The following VAV3 variants were observed in gnomAD, a reference collection of about 807,000 sequenced individuals.
VAV3 encodes the protein vav guanine nucleotide exchange factor 3, also known as guanine nucleotide exchange factor VAV3.
Under a neutral mutation model 131.2 loss-of-function variants are expected in VAV3, and 94 were observed. That is an observed-to-expected ratio of 0.72 (90% confidence interval 0.61 to 0.85). VAV3 has a LOEUF of 0.85. VAV3 is among the 40% of genes least tolerant of loss of function. The pLI is 0.00. For synonymous variants in VAV3, 349 were observed against 342.0 expected (o/e 1.02, Z -0.22); for missense variants, 939 against 1,002.7 (o/e 0.94, Z 0.86).
chr1:107,749,624 T>A, intron 13 of VAV3, 30 bp from the exon 14 acceptor site: 1 of 1,604,336 alleles, frequency 6.2e-7, no homozygotes, highest in Non-Finnish European at 8.5e-7. Flanking sequence ...TGATTGATTT[T>A]AAATGGTTTA....
chr1:107,779,078 A>C (rs1034178992), intron 3 of VAV3, among the ~76,000 whole-genome samples: 7 of 152,168 alleles, frequency 4.6e-5, no homozygotes, highest in Non-Finnish European at 1.0e-4. Flanking sequence ...ATAGGAAATA[A>C]ACATATTACA....
intron 25 of VAV3, among the ~76,000 whole-genome samples, chr1:107,589,981 T>A (rs577131604): frequency 1.3e-5 from 2 of 152,302 alleles, no homozygotes; most frequent in African/African-American, 4.8e-5. Flanking sequence ...CAAGTTTCTG[T>A]TTCTACCCAA....
At chr1:107,754,986 T>C (rs2102092887) in intron 12 of VAV3, among the ~76,000 whole-genome samples, 1 of 151,078 alleles carries the variant, frequency 6.6e-6, no homozygotes. Context: ...TTTTAACTCT[T>C]TTTTTTTTAA....
intron 2 of VAV3, among the ~76,000 whole-genome samples, chr1:107,842,023 T>C (rs570407154): frequency 7.2e-5 from 11 of 152,314 alleles, no homozygotes; most frequent in Admixed American, 2.0e-4. Flanking sequence ...CTAGTTTCAC[T>C]ACCTAGTAAT....
intron 1 of VAV3, among the ~76,000 whole-genome samples, chr1:107,924,880 C>T (rs1251226250): frequency 1.3e-5 from 2 of 152,048 alleles, no homozygotes; most frequent in Non-Finnish European, 1.5e-5. Flanking sequence ...ACAGCTAGAG[C>T]GACACAGTTA....
chr1:107,964,001 T>C (rs910732692), intron 1 of VAV3, among the ~76,000 whole-genome samples: 5 of 152,174 alleles, frequency 3.3e-5, no homozygotes, highest in Admixed American at 6.5e-5. Context: ...GAATCTCTAG[T>C]GAAACTTCTC....
intron 2 of VAV3, among the ~76,000 whole-genome samples, chr1:107,799,597 ACATG>A (rs1666731239): frequency 6.6e-6 from 1 of 152,140 alleles, no homozygotes; most frequent in African/African-American, 2.4e-5. Context: ...TTTCCAGAGT[ACATG>A]CTGTAATTTG....
chr1:107,931,393 T>C (rs1235042458), intron 1 of VAV3, among the ~76,000 whole-genome samples: 1 of 152,186 alleles, frequency 6.6e-6, no homozygotes, highest in Non-Finnish European at 1.5e-5. Context: ...ACCCTATAAG[T>C]ATGCACAATT....
At chr1:107,695,521 C>A (rs746007699) in intron 17 of VAV3, among the ~76,000 whole-genome samples, 1 of 152,028 alleles carries the variant, frequency 6.6e-6, no homozygotes, top group Admixed American at 6.6e-5. Flanking sequence ...TTAACTAAGA[C>A]AAAGCATAGG....
chr1:107,755,519 C>T lies in VAV3; in HGVS notation c.1087-6G>A, dbSNP rs1253002157. On this transcript the variant is annotated splice_region_variant and splice_polypyrimidine_tract_variant and intron_variant, in intron 11 of 26. Coordinates refer to ENST00000370056, the MANE Select transcript of VAV3 (RefSeq NM_006113.5). ...TTCACATATTGTGCCAAGTCCTAGA[C>T]AATAAAGAAAAGGGTAGAAAAAGAA... 1.2e-6 allele frequency: 2 copies of T among 1,606,020 alleles called. No homozygotes were observed. The highest frequency in any genetic ancestry group is 1.7e-5 in the Admixed American group (1 of 59,564).
chr1:107,667,123 C>A (rs997762179), intron 19 of VAV3, among the ~76,000 whole-genome samples: 2 of 152,204 alleles, frequency 1.3e-5, no homozygotes, highest in African/African-American at 4.8e-5. Flanking sequence ...TTTTAGCTCA[C>A]CTTCTATACC....
chr1:107,749,581 A>G lies in VAV3; in HGVS notation c.1273T>C (p.Phe425Leu). Reference protein sequence around the residue: ...HTKQERHIFLFDLAVIVCKRK... With the variant: ...HTKQERHIFLLDLAVIVCKRK... ...TTACATACGATCACTGCCAAATCAA[A>G]TAAGAAGATATGCCTGGGAAAAAGA... Residue 425 changes from phenylalanine to leucine, a missense_variant, in exon 14 of 27, where the codon TTT becomes CTT. Coordinates refer to ENST00000370056, the MANE Select transcript of VAV3 (RefSeq NM_006113.5). 5.6e-6 allele frequency: 9 copies of G among 1,610,244 alleles called. No individual in the cohort carries two copies. The highest frequency in any genetic ancestry group is 1.3e-5 in the African/African-American group (1 of 74,870).
At chr1:107,936,056 C>T (rs542456035) in intron 1 of VAV3, among the ~76,000 whole-genome samples, 2 of 152,040 alleles carry the variant, frequency 1.3e-5, no homozygotes, top group South Asian at 2.1e-4. Flanking sequence ...GAAAAGTAAA[C>T]GTAGGACATT....
chr1:107,574,848 T>C (rs2100979548), intron 25 of VAV3, among the ~76,000 whole-genome samples: 1 of 152,296 alleles, frequency 6.6e-6, no homozygotes, highest in Non-Finnish European at 1.5e-5. Flanking sequence ...ACAAATACCA[T>C]CTATATTTTC....
intron 2 of VAV3, among the ~76,000 whole-genome samples, chr1:107,868,526 C>G (rs571164112): frequency 1.3e-5 from 2 of 152,048 alleles, no homozygotes; most frequent in East Asian, 3.9e-4. Flanking sequence ...AGTAGGTTGT[C>G]GGGATGCCTG....
intron 19 of VAV3, among the ~76,000 whole-genome samples, chr1:107,677,528 C>T (rs1197115191): frequency 6.6e-6 from 1 of 152,172 alleles, no homozygotes; most frequent in Non-Finnish European, 1.5e-5. Context: ...AGGAAGTCCA[C>T]TCCATATCTG....
chr1:107,914,426 C>T (rs1331864264), intron 1 of VAV3, among the ~76,000 whole-genome samples: 1 of 152,226 alleles, frequency 6.6e-6, no homozygotes, highest in African/African-American at 2.4e-5. Context: ...GTCCTAGCTT[C>T]AGCCATGTGA....
intron 1 of VAV3, among the ~76,000 whole-genome samples, chr1:107,904,315 T>C (rs1032805838): frequency 1.6e-4 from 25 of 152,226 alleles, no homozygotes; most frequent in African/African-American, 6.0e-4. Flanking sequence ...GACTGAATGA[T>C]GTCCAGCAGG....
At position 107,766,553 on chromosome 1, in the gene VAV3, A is replaced by G; in HGVS notation, c.718-3T>C. The G allele has an allele frequency of 6.2e-7, 1 of 1,608,550 alleles. No homozygotes were observed. The highest frequency in any genetic ancestry group is 1.1e-5 in the South Asian group (1 of 90,552). ...TTCCGATGAAGTTTTACAAGTTCCT[A>G]AGAAAAGAAAACAATGTGAAAGGAA... On this transcript the variant is annotated splice_polypyrimidine_tract_variant and splice_region_variant and intron_variant, in intron 7 of 26. Transcript: ENST00000370056.
Sources: allele counts gnomAD v4.1 joint callset (sites outside exome capture counted in the v4.1 genomes callset), GRCh38; gene constraint gnomAD v4.1.1; transcripts MANE v1.5; gene names NCBI Gene and HGNC (gene_info 2026-07-23, HGNC 2026-07-21).